Variants in IGF1R observed in about 807,000 individuals in gnomAD.
IGF1R encodes insulin like growth factor 1 receptor.
Under a neutral mutation model 144.6 loss-of-function variants are expected in IGF1R, and 44 were observed. The observed-to-expected ratio is 0.30, with a 90% CI of 0.24 to 0.39. The LOEUF is 0.39. IGF1R is among the 10% of genes least tolerant of loss of function. IGF1R has a pLI of 1.00. For missense variants in IGF1R, 1,355 were observed against 1,833.7 expected (o/e 0.74, Z 4.77); for synonymous variants, 795 against 722.8 (o/e 1.10, Z -1.60).
At chr15:98,819,123 G>A (rs551655964) in intron 2 of IGF1R, among the ~76,000 whole-genome samples, 12 of 152,072 alleles carry the variant, frequency 7.9e-5, no homozygotes, top group Non-Finnish European at 1.0e-4. Flanking sequence ...AGACATCCAG[G>A]GGGGGCAAGC....
At chr15:98,943,645 T>C (rs2016447084) in intron 19 of IGF1R, among the ~76,000 whole-genome samples, 1 of 152,170 alleles carries the variant, frequency 6.6e-6, no homozygotes, top group African/African-American at 2.4e-5. Context: ...GGCCTCTCAG[T>C]AGTATTGTTT....
intron 2 of IGF1R, among the ~76,000 whole-genome samples, chr15:98,750,130 G>C (rs192505087): frequency 1.2e-4 from 18 of 152,304 alleles, no homozygotes; most frequent in Admixed American, 1.1e-3. Context: ...CTTACCTGAA[G>C]AGTCCATTCC....
At chr15:98,884,947 C>T (rs1283627314) in intron 2 of IGF1R, among the ~76,000 whole-genome samples, 20 of 152,178 alleles carry the variant, frequency 1.3e-4, no homozygotes, top group Admixed American at 1.3e-3. Flanking sequence ...AGTCTCCCCT[C>T]CCCTCTGTCT....
rs2053891919 is a variant in IGF1R at position 98,707,415 on chromosome 15, C to T, written c.95-147C>T. 5.9e-6 allele frequency: 5 copies of T among 849,986 alleles called. No homozygotes were observed. The highest frequency in any genetic ancestry group is 9.5e-6 in the Non-Finnish European group (5 of 526,686). 52.7% of individuals were successfully genotyped at this position (849,986 alleles called of 1,614,324 possible). A position where few individuals can be genotyped will look rare whatever the true frequency, so the allele number is the denominator to read the frequency against. On this transcript the variant is annotated intron_variant, in intron 1 of 20. Coordinates refer to ENST00000650285, the MANE Select transcript of IGF1R (RefSeq NM_000875.5). The surrounding 1 kb of genome is among the most constrained non-coding windows in gnomAD (Gnocchi z 6.7). ...GTTAGCCACCTAAACTGTCAGTCTG[C>T]AACCCACAGCTCTGCAGTGAACAAT...
chr15:98,957,852 G>T lies in IGF1R; in HGVS notation c.*410G>T. ...CCCTTTTTATCAGTTTGAGGAAGTGGCTGTCCCTGTGGCCCCATCCAACCA... is the reference window on the plus strand; with the variant it reads ...CCCTTTTTATCAGTTTGAGGAAGTGTCTGTCCCTGTGGCCCCATCCAACCA... On this transcript the variant is annotated 3_prime_UTR_variant, in exon 21 of 21. Transcript: ENST00000650285. The T allele has an allele frequency of 3.6e-6, 1 of 281,340 alleles. No individual in the cohort carries two copies. The highest frequency in any genetic ancestry group is 6.7e-6 in the Non-Finnish European group (1 of 149,936). 17.4% of individuals were successfully genotyped at this position (281,340 alleles called of 1,614,324 possible).
Position 98,724,836 on chromosome 15 carries a change from G to A in IGF1R, c.640+16729G>A, listed in dbSNP as rs186726608. Among the ~76,000 whole-genome samples the A allele has an allele frequency of 1.2e-4, 19 of 152,328 alleles. No homozygotes were observed. The East Asian group carries it at 3.7e-3, about 29-fold the overall frequency. On this transcript the variant is annotated intron_variant, in intron 2 of 20. Coordinates refer to ENST00000650285, the MANE Select transcript of IGF1R (RefSeq NM_000875.5). Reference sequence around the variant, plus strand: ...GACCTGTGCAGTACCTGTGGATTTGGTTAGTCGATGATGCGCTGCCATTAA... The same window carrying A: ...GACCTGTGCAGTACCTGTGGATTTGATTAGTCGATGATGCGCTGCCATTAA...
At position 98,913,300 on chromosome 15, in the gene IGF1R, AG is replaced by A; in HGVS notation, c.1828+19del. 6.3e-7 allele frequency: 1 copy of A among 1,589,076 alleles called. No individual in the cohort carries two copies. The highest frequency in any genetic ancestry group is 8.6e-7 in the Non-Finnish European group (1 of 1,157,416). ...TGCTTCAGGTATCCATGCCTAGACA[AG>A]CCCCCAGCATCCACACTTCTTCGCA... is the stretch of plus-strand genomic sequence containing the variant. On this transcript the variant is annotated intron_variant, in intron 8 of 20. Transcript: ENST00000650285.
intron 1 of IGF1R, among the ~76,000 whole-genome samples, chr15:98,683,045 A>C (rs928941263): frequency 6.7e-6 from 1 of 150,372 alleles, no homozygotes; most frequent in Non-Finnish European, 1.5e-5. Flanking sequence ...TTCTGATCAC[A>C]CAGTGCTGAG....
In IGF1R at chr15:98,961,966, G is replaced by A. The variant is rs1036629261; in HGVS notation, c.*4524G>A. On this transcript the variant is annotated 3_prime_UTR_variant, in exon 21 of 21. Transcript: ENST00000650285. ...ACTACCAAATGGCGAGATGCTCGGT[G>A]CACATTGGGGTGCTTTGGGATAAAA... The A allele has an allele frequency of 4.3e-6, 1 of 233,228 alleles. No individual in the cohort carries two copies. Among genetic ancestry groups the A allele is most frequent in the African/African-American group, 2.2e-5 (1 of 45,368 alleles). 14.4% of individuals were successfully genotyped at this position (233,228 alleles called of 1,614,324 possible). A position where few individuals can be genotyped will look rare whatever the true frequency, so the allele number is the denominator to read the frequency against.
intron 1 of IGF1R, among the ~76,000 whole-genome samples, chr15:98,701,080 GT>G (rs1443418884): frequency 6.6e-6 from 1 of 151,968 alleles, no homozygotes; most frequent in Non-Finnish European, 1.5e-5. Context: ...TAAGTTATTG[GT>G]TCCAAAGAAT....
At position 98,961,594 on chromosome 15, in the gene IGF1R, CCTT is replaced by C. The variant is rs1361836240; in HGVS notation, c.*4155_*4157del. ...AGTTGTGGCATTTTCCATGCAACCT[CCTT>C]CTGCCAGCAGCTCACACTGCTTGAA... On this transcript the variant is annotated 3_prime_UTR_variant, in exon 21 of 21. Transcript: ENST00000650285. 6.8e-5 allele frequency: 16 copies of C among 233,718 alleles called. No homozygotes were observed. The highest frequency in any genetic ancestry group is 3.5e-4 in the African/African-American group (16 of 45,476). The allele number at this position is 233,718 out of a possible 1,614,324, so 14.5% of individuals were successfully genotyped here.
In IGF1R at chr15:98,648,589, C is replaced by T. The variant is rs901893092; in HGVS notation, c.-993C>T. ...GCGGCGAGGCTGGGGCTCTTGTTTA[C>T]CAGCATTAACTCCGCTGAGCGGAAA... On this transcript the variant is annotated 5_prime_UTR_variant, in exon 1 of 21. Transcript: ENST00000650285. 2.8e-5 allele frequency among the ~76,000 whole-genome samples: 4 copies of T among 143,044 alleles called. No individual in the cohort carries two copies. The highest frequency in any genetic ancestry group is 5.1e-5 in the African/African-American group (2 of 39,550). The allele number at this position is 143,044 out of a possible 152,430, so 93.8% of individuals were successfully genotyped here. A position where few individuals can be genotyped will look rare whatever the true frequency, so the allele number is the denominator to read the frequency against.
At chr15:98,860,693 T>G (rs1475002076) in intron 2 of IGF1R, among the ~76,000 whole-genome samples, 1 of 152,226 alleles carries the variant, frequency 6.6e-6, no homozygotes, top group Non-Finnish European at 1.5e-5. Flanking sequence ...AGGTTTCTTG[T>G]GCTTATTGTG....
In IGF1R at chr15:98,748,806, G is replaced by A. The variant is rs138395839; in HGVS notation, c.640+40699G>A. Among the ~76,000 whole-genome samples, 13 of 152,276 alleles carry A rather than the reference G, an allele frequency of 8.5e-5. No homozygotes were observed. In the East Asian group the frequency reaches 9.7e-4, roughly 11 times the overall value. On this transcript the variant is annotated intron_variant, in intron 2 of 20. Transcript: ENST00000650285. ...TCACTGCAAACATTTAGTTAATTGC[G>A]TTTATTCTTGAGCCATTCTTGCTCT...
intron 2 of IGF1R, among the ~76,000 whole-genome samples, chr15:98,709,291 G>A (rs745866559): frequency 9.2e-5 from 14 of 152,206 alleles, no homozygotes; most frequent in Non-Finnish European, 1.9e-4. Flanking sequence ...TTCAGTTCCC[G>A]TTCAACCAGT....
At chr15:98,688,714 G>C (rs531421501) in intron 1 of IGF1R, among the ~76,000 whole-genome samples, 1 of 152,056 alleles carries the variant, frequency 6.6e-6, no homozygotes, top group South Asian at 2.1e-4. Context: ...AAGACTAGTT[G>C]ATGAGGGTCT....
At chr15:98,762,131 C>T (rs986493497) in intron 2 of IGF1R, among the ~76,000 whole-genome samples, 3 of 152,144 alleles carry the variant, frequency 2.0e-5, no homozygotes, top group South Asian at 2.1e-4. Flanking sequence ...GATATGTAAT[C>T]CTGCACATGT....
At chr15:98,733,339 G>T (rs905115072) in intron 2 of IGF1R, among the ~76,000 whole-genome samples, 7 of 152,090 alleles carry the variant, frequency 4.6e-5, no homozygotes, top group African/African-American at 1.7e-4. Flanking sequence ...TTCTGCCTCA[G>T]CCTCCTGCGT....
chr15:98,768,564 G>A (rs751913111), intron 2 of IGF1R, among the ~76,000 whole-genome samples: 16 of 148,544 alleles, frequency 1.1e-4, no homozygotes, highest in Non-Finnish European at 2.1e-4. Context: ...GCAGGGAGCC[G>A]AGATCGCACC....
Sources: gnomAD v4.1 joint callset for allele counts (sites outside exome capture counted in the v4.1 genomes callset) on GRCh38, gnomAD v4.1.1 for gene constraint, Gnocchi (gnomAD v3.1) non-coding constraint, MANE v1.5 for transcripts, NCBI Gene and HGNC (gene_info 2026-07-23, HGNC 2026-07-21) for gene names.